FAM135B: variants seen among roughly 807,000 people sequenced by gnomAD.
The protein encoded by FAM135B is protein FAM135B.
Under a neutral mutation model 127.7 loss-of-function variants are expected in FAM135B, and 43 were observed. The observed-to-expected ratio is 0.34, with a 90% CI of 0.26 to 0.43. FAM135B has a LOEUF of 0.43. Ranked by LOEUF, FAM135B falls within the 20% of genes least tolerant of loss-of-function variation. The pLI, the probability that FAM135B is intolerant of heterozygous loss-of-function variation, is 1.00. For missense variants in FAM135B, 1,558 were observed against 1,725.6 expected, an observed-to-expected ratio of 0.90 and a Z score of 1.72; for synonymous variants, 670 against 665.1, an observed-to-expected ratio of 1.01 and a Z score of -0.11.
intron 4 of FAM135B, among the ~76,000 whole-genome samples, chr8:138,258,297 T>A (rs963281970): frequency 6.6e-6 from 1 of 152,246 alleles, no homozygotes; most frequent in Non-Finnish European, 1.5e-5. Flanking sequence ...GGAAATGTAT[T>A]CCTGGTTAAG....
chr8:138,402,889 C>T (rs1162623286), intron 1 of FAM135B, among the ~76,000 whole-genome samples: 2 of 152,156 alleles, frequency 1.3e-5, no homozygotes, highest in African/African-American at 2.4e-5. Context: ...TTTGGGGAGG[C>T]CATTAGATCA....
intron 1 of FAM135B, among the ~76,000 whole-genome samples, chr8:138,428,956 C>T (rs1294216245): frequency 3.9e-5 from 6 of 152,138 alleles, no homozygotes; most frequent in African/African-American, 9.7e-5. Context: ...CAGTGGCCAA[C>T]GTACTGGGGA....
At chr8:138,494,836 TAA>T (rs112803082) in intron 1 of FAM135B, among the ~76,000 whole-genome samples, 7 of 105,702 alleles carry the variant, frequency 6.6e-5, no homozygotes, top group Non-Finnish European at 7.3e-5. Context: ...GTTTATACTG[TAA>T]AAAAAAAAAA....
At chr8:138,452,594 C>T (rs1292739882) in intron 1 of FAM135B, among the ~76,000 whole-genome samples, 1 of 152,188 alleles carries the variant, frequency 6.6e-6, no homozygotes, top group Non-Finnish European at 1.5e-5. Flanking sequence ...ATTATCTACA[C>T]TGGTTAACAA....
chr8:138,279,672 A>C (rs1402988429), intron 3 of FAM135B, among the ~76,000 whole-genome samples: 1 of 152,194 alleles, frequency 6.6e-6, no homozygotes, highest in Non-Finnish European at 1.5e-5. Context: ...TTAAAAACAC[A>C]TATCTTCCGC....
chr8:138,376,162 C>T (rs181985612), intron 1 of FAM135B, among the ~76,000 whole-genome samples: 18 of 152,106 alleles, frequency 1.2e-4, no homozygotes, highest in African/African-American at 3.6e-4. Context: ...AGGCTGGTCT[C>T]GAACTCCTGA....
intron 1 of FAM135B, chr8:138,425,398 G>C (rs1587422184): frequency 6.6e-6 from 1 of 152,168 alleles, no homozygotes; most frequent in Non-Finnish European, 1.5e-5. Context: ...TGTGTAGTTG[G>C]TGAAAAGGTA....
chr8:138,373,423 C>A (rs1229232717), intron 1 of FAM135B, among the ~76,000 whole-genome samples: 6 of 150,862 alleles, frequency 4.0e-5, no homozygotes, highest in Non-Finnish European at 8.8e-5. Flanking sequence ...ATCTCTTAAT[C>A]CTGTCATCTC....
intron 7 of FAM135B, among the ~76,000 whole-genome samples, chr8:138,203,592 G>A (rs893652626): frequency 1.3e-5 from 2 of 152,126 alleles, no homozygotes; most frequent in African/African-American, 4.8e-5. Context: ...CTGTTTGTAA[G>A]AGAAAGTTCG....
At chr8:138,336,785 C>T (rs1828628173) in intron 2 of FAM135B, among the ~76,000 whole-genome samples, 1 of 152,132 alleles carries the variant, frequency 6.6e-6, no homozygotes, top group Non-Finnish European at 1.5e-5. Flanking sequence ...GATACCAAAG[C>T]CTGGCAGAGA....
At chr8:138,204,362 C>T (rs915246575) in intron 7 of FAM135B, among the ~76,000 whole-genome samples, 1 of 152,230 alleles carries the variant, frequency 6.6e-6, no homozygotes, top group East Asian at 1.9e-4. Context: ...ACCAGTTCTT[C>T]CTGTACCTCT....
intron 1 of FAM135B, among the ~76,000 whole-genome samples, chr8:138,379,329 T>C (rs1831687925): frequency 6.6e-6 from 1 of 152,004 alleles, no homozygotes; most frequent in Admixed American, 6.6e-5. Context: ...TATAGTAATA[T>C]CTATCTACTT....
chr8:138,466,300 G>A (rs1224924667), intron 1 of FAM135B, among the ~76,000 whole-genome samples: 1 of 152,158 alleles, frequency 6.6e-6, no homozygotes, highest in African/African-American at 2.4e-5. Flanking sequence ...GAGCTGCACT[G>A]TGACCCAGTT....
chr8:138,281,366 A>G (rs1345415831), intron 3 of FAM135B, among the ~76,000 whole-genome samples: 1 of 151,984 alleles, frequency 6.6e-6, no homozygotes. Flanking sequence ...GTGGCAACCA[A>G]CTTACCTAAA....
chr8:138,200,531 G>C (rs1277199401), intron 7 of FAM135B, among the ~76,000 whole-genome samples: 1 of 152,098 alleles, frequency 6.6e-6, no homozygotes, highest in Non-Finnish European at 1.5e-5. Flanking sequence ...ATGAAAGGCC[G>C]ATACTCTTAT....
intron 2 of FAM135B, among the ~76,000 whole-genome samples, chr8:138,346,618 G>A (rs550280786): frequency 1.3e-5 from 2 of 152,270 alleles, no homozygotes; most frequent in South Asian, 4.1e-4. Context: ...GCTGAGCAAT[G>A]AGAACACATG....
At chr8:138,173,585 A>C (rs1346941883) in intron 11 of FAM135B, among the ~76,000 whole-genome samples, 1 of 152,180 alleles carries the variant, frequency 6.6e-6, no homozygotes, top group African/African-American at 2.4e-5. Flanking sequence ...CATGTAACGC[A>C]CTCAGTTTCT....
intron 10 of FAM135B, 135 bp from the exon 11 acceptor site, chr8:138,177,555 T>C: frequency 1.4e-6 from 1 of 719,176 alleles, no homozygotes; most frequent in Non-Finnish European, 2.2e-6. Context: ...GACCTGAAGG[T>C]TCTGAATCAA....
chr8:138,221,409 T>C (rs773093034), intron 7 of FAM135B, among the ~76,000 whole-genome samples: 13 of 152,182 alleles, frequency 8.5e-5, no homozygotes, highest in Non-Finnish European at 1.5e-4. Flanking sequence ...TCTGCCCTCA[T>C]GATCCAATCA....
Sources: allele counts gnomAD v4.1 joint callset (sites outside exome capture counted in the v4.1 genomes callset), GRCh38; gene constraint gnomAD v4.1.1; transcripts MANE v1.5; gene names NCBI Gene and HGNC (gene_info 2026-07-23, HGNC 2026-07-21).